RCOR2: variants seen among roughly 807,000 people sequenced by gnomAD.
RCOR2 encodes the protein REST corepressor 2.
In RCOR2, 19 loss-of-function variants were observed where a neutral mutation model predicts 58.9. That is an observed-to-expected ratio of 0.32 (90% CI 0.23 to 0.47). RCOR2 has a LOEUF of 0.47. RCOR2 is among the 20% of genes least tolerant of loss of function. The pLI is 1.00. For missense variants in RCOR2, 590 were observed against 707.9 expected (o/e 0.83, Z 1.89); for synonymous variants, 286 against 278.7 (o/e 1.03, Z -0.26).
chr11:63,913,177 TA>T (rs1941802678), intron 8 of RCOR2, among the ~76,000 whole-genome samples: 1 of 121,908 alleles, frequency 8.2e-6, no homozygotes, highest in African/African-American at 3.3e-5. Context: ...TATATATATA[TA>T]TATATATTTT....
intron 2 of RCOR2, 121 bp downstream of exon 2, chr11:63,915,434 C>T: frequency 8.4e-7 from 1 of 1,189,958 alleles, no homozygotes; most frequent in Non-Finnish European, 1.2e-6. Flanking sequence ...TGCTGGGGGG[C>T]CACCCACCCC....
chr11:63,915,167 G>T lies in RCOR2; in HGVS notation c.265+11C>A. 1 of 1,549,614 alleles carries T rather than the reference G, an allele frequency of 6.5e-7. No homozygotes were observed. Among genetic ancestry groups the T allele is most frequent in the African/African-American group, 1.4e-5 (1 of 73,070 alleles). Reference sequence around the variant, plus strand: ...CCAAGCCCCCACCTCCCAGGGCTGTGCCCCACTCACGCTTGGCATCTGACA... The same window carrying T: ...CCAAGCCCCCACCTCCCAGGGCTGTTCCCCACTCACGCTTGGCATCTGACA... On this transcript the variant is annotated intron_variant, in intron 3 of 11. Transcript: ENST00000301459.
Position 63,911,976 on chromosome 11 carries a change from C to A in RCOR2, c.1461G>T (p.Pro487=). 1.2e-6 allele frequency: 1 copy of A among 822,140 alleles called. No homozygotes were observed. Among genetic ancestry groups the A allele is most frequent in the Non-Finnish European group, 1.6e-6 (1 of 639,234 alleles). 50.9% of individuals were successfully genotyped at this position (822,140 alleles called of 1,614,324 possible). A position where few individuals can be genotyped will look rare whatever the true frequency, so the allele number is the denominator to read the frequency against. The change falls in exon 12 of 12, where the codon CCG becomes CCT. Residue 487 remains proline (P), a synonymous_variant. Coordinates refer to ENST00000301459, the MANE Select transcript of RCOR2 (RefSeq NM_173587.4). The part of the protein sequence containing the change: ...QPRLAPNQPP[P]PLIRPALAAP... ...CAGCCAGAGCGGGGCGGATGAGAGG[C>A]GGTGGGGGCTGGTTGGGGGCCAGCC...
In RCOR2 at chr11:63,912,102, C is replaced by T. The variant is rs1361490161; in HGVS notation, c.1335G>A (p.Ser445=). ...TCAGCAGCGGGGGTGGCTGGGACAG[C>T]GAGGTGGGAGGTGGAGGGGGTGGTG... is the stretch of plus-strand genomic sequence containing the variant. The part of the protein sequence containing the change: ...PAPPPPPPPT[S]LSQPPPLLRP... Residue 445 remains serine, a synonymous_variant, in exon 12 of 12, where the codon TCG becomes TCA. Transcript: ENST00000301459. The T allele has an allele frequency of 5.8e-6, 6 of 1,040,808 alleles. No individual in the cohort carries two copies. Among genetic ancestry groups the T allele is most frequent in the Non-Finnish European group, 5.8e-6 (5 of 854,772 alleles). 64.5% of individuals were successfully genotyped at this position (1,040,808 alleles called of 1,614,324 possible).
intron 1 of RCOR2, among the ~76,000 whole-genome samples, chr11:63,915,993 G>C (rs1565161848): frequency 6.6e-6 from 1 of 152,218 alleles, no homozygotes; most frequent in African/African-American, 2.4e-5. Context: ...TCTGTGTGGA[G>C]GTGTCTCTCC....
At position 63,914,972 on chromosome 11, in the gene RCOR2, G is replaced by T. The variant is rs369613477; in HGVS notation, c.266-18C>A. ...CTTGTCAACTGCAGGGGCAGCAGGGGCAGGGTCTTGGTGAAGGGGGTTATA... is the reference window on the plus strand; with the variant it reads ...CTTGTCAACTGCAGGGGCAGCAGGGTCAGGGTCTTGGTGAAGGGGGTTATA... On this transcript the variant is annotated intron_variant, in intron 3 of 11. Transcript: ENST00000301459. The T allele has an allele frequency of 1.2e-6, 2 of 1,613,686 alleles. No homozygotes were observed. Among genetic ancestry groups the T allele is most frequent in the African/African-American group, 2.7e-5 (2 of 74,940 alleles).
At chr11:63,914,390 A>T (rs774390198) in intron 6 of RCOR2, 27 bp downstream of exon 6, 2 of 1,613,016 alleles carry the variant, frequency 1.2e-6, no homozygotes, top group South Asian at 1.1e-5. Context: ...ACCTACCCCC[A>T]TGCCCAGTGC....
At chr11:63,912,993 C>T (rs1266899861) in intron 8 of RCOR2, 46 bp from the exon 9 acceptor site, 1 of 1,548,930 alleles carries the variant, frequency 6.5e-7, no homozygotes, top group Admixed American at 1.8e-5. Context: ...CCATCTCAGG[C>T]AGGCCACTAT....
the RCOR2 span, among the ~76,000 whole-genome samples, chr11:63,923,676 A>G: frequency 1.3e-5 from 2 of 151,948 alleles, no homozygotes; most frequent in East Asian, 3.9e-4. Flanking sequence ...TTTGGGCTCC[A>G]TCCACTCCCT....
At chr11:63,927,185 A>C in the RCOR2 span, among the ~76,000 whole-genome samples, 1 of 152,076 alleles carries the variant, frequency 6.6e-6, no homozygotes, top group South Asian at 2.1e-4. Context: ...TGAAGCTCAG[A>C]TATCACCTTC....
chr11:63,925,542 G>A, the RCOR2 span, among the ~76,000 whole-genome samples: 1 of 152,132 alleles, frequency 6.6e-6, no homozygotes, highest in Admixed American at 6.6e-5. Context: ...CCCAAGGCCA[G>A]GTGCAGTGGC....
At chr11:63,923,457 A>C in the RCOR2 span, among the ~76,000 whole-genome samples, 1 of 150,512 alleles carries the variant, frequency 6.6e-6, no homozygotes, top group Non-Finnish European at 1.5e-5. Context: ...CTCACCTCCC[A>C]CTCACTCCCC....
chr11:63,927,513 C>T, the RCOR2 span, among the ~76,000 whole-genome samples: 1 of 152,100 alleles, frequency 6.6e-6, no homozygotes, highest in Non-Finnish European at 1.5e-5. Flanking sequence ...AAGTGATCTG[C>T]CCGCCTCAGC....
In RCOR2 at chr11:63,915,091, C is replaced by T. The variant is rs1941837412; in HGVS notation, c.265+87G>A. 2.0e-6 allele frequency: 3 copies of T among 1,516,326 alleles called. No homozygotes were observed. In the South Asian group the frequency reaches 3.5e-5, roughly 18 times the overall value. The allele number at this position is 1,516,326 out of a possible 1,614,324, so 93.9% of individuals were successfully genotyped here. A position where few individuals can be genotyped will look rare whatever the true frequency, so the allele number is the denominator to read the frequency against. ...GGGCAAGGGTTGGACCCACGAACAC[C>T]TCAGCTTCCAGCCCCCTTCTGAGAA... On this transcript the variant is annotated intron_variant, in intron 3 of 11. Coordinates refer to ENST00000301459, the MANE Select transcript of RCOR2 (RefSeq NM_173587.4).
At chr11:63,922,510 G>A in the RCOR2 span, among the ~76,000 whole-genome samples, 108 of 152,180 alleles carry the variant, frequency 7.1e-4, no homozygotes, top group African/African-American at 2.3e-3. Context: ...GCGCCACCAC[G>A]CCTGGCTCAT....
In RCOR2 at chr11:63,912,917, G is replaced by A; in HGVS notation, c.922C>T (p.Leu308=). Reference sequence around the variant, plus strand: ...ATACCGCCCTCCAGGGCTTGGCGCAGGCTGCTGTTCGTCTGCTTCATGCTC... The same window carrying A: ...ATACCGCCCTCCAGGGCTTGGCGCAAGCTGCTGTTCGTCTGCTTCATGCTC... The part of the protein sequence containing the change: ...VQSMKQTNSS[L]RQALEGGIDP... Residue 308 remains leucine, a synonymous_variant, in exon 9 of 12, where the codon CTG becomes TTG. Coordinates refer to ENST00000301459, the MANE Select transcript of RCOR2 (RefSeq NM_173587.4). 1 of 1,613,580 alleles carries A rather than the reference G, an allele frequency of 6.2e-7. No individual in the cohort carries two copies. The highest frequency in any genetic ancestry group is 8.5e-7 in the Non-Finnish European group (1 of 1,179,864).
chr11:63,911,764 G>A lies in RCOR2; in HGVS notation c.*101C>T, dbSNP rs1254193456. The stretch of plus-strand genomic sequence containing the variant: ...GAAACTCTGGTCTTACAAAGACCCC[G>A]CCAGAGCCCTAGTCCCTTCTGTCCT... On this transcript the variant is annotated 3_prime_UTR_variant, in exon 12 of 12. Coordinates refer to ENST00000301459, the MANE Select transcript of RCOR2 (RefSeq NM_173587.4). 7.9e-5 allele frequency: 111 copies of A among 1,406,398 alleles called. No individual in the cohort carries two copies. The highest frequency in any genetic ancestry group is 9.7e-5 in the Non-Finnish European group (106 of 1,090,940). The allele number at this position is 1,406,398 out of a possible 1,614,324, so 87.1% of individuals were successfully genotyped here.
chr11:63,915,634 T>G, intron 1 of RCOR2, 23 bp from the exon 2 acceptor site: 1 of 492,850 alleles, frequency 2.0e-6, no homozygotes, highest in Non-Finnish European at 3.1e-6. Context: ...GGGGAGGCAG[T>G]CAGGACTCCA....
chr11:63,914,273 A>G lies in RCOR2; in HGVS notation c.663T>C (p.Asp221=). The G allele has an allele frequency of 6.2e-7, 1 of 1,613,374 alleles. No individual in the cohort carries two copies. The change falls in exon 7 of 12, where the codon GAT becomes GAC. Residue 221 remains aspartate (D), a synonymous_variant. Coordinates refer to ENST00000301459, the MANE Select transcript of RCOR2 (RefSeq NM_173587.4). ...GVSEGEPDPA[D]PKREPLPSRP... The stretch of plus-strand genomic sequence containing the variant: ...TCTGGGAGCTCACCTCTCTCTTGGG[A>G]TCTGCAGGATCGGGCTCTCCCTCAC...
Sources: gnomAD v4.1 joint callset for allele counts (sites outside exome capture counted in the v4.1 genomes callset) on GRCh38, gnomAD v4.1.1 for gene constraint, MANE v1.5 for transcripts, NCBI Gene and HGNC (gene_info 2026-07-23, HGNC 2026-07-21) for gene names.